SLC24A3: variants seen among roughly 807,000 people sequenced by gnomAD.
SLC24A3 encodes solute carrier family 24 member 3.
A neutral mutation model predicts 75.8 loss-of-function variants in SLC24A3; 28 were observed. That is an observed-to-expected ratio of 0.37 (90% CI 0.27 to 0.51). The LOEUF (loss-of-function observed/expected upper bound fraction) is 0.51. Ranked by LOEUF, SLC24A3 falls within the 20% of genes least tolerant of loss-of-function variation. SLC24A3 has a pLI of 0.94. For missense variants in SLC24A3, 663 were observed against 847.8 expected (o/e 0.78, Z 2.71); for synonymous variants, 372 against 334.1 (o/e 1.11, Z -1.24).
At chr20:19,692,676 T>G (rs942747856) in intron 12 of SLC24A3, among the ~76,000 whole-genome samples, 10 of 152,302 alleles carry the variant, frequency 6.6e-5, no homozygotes, top group African/African-American at 2.2e-4. Flanking sequence ...GAAATATGTA[T>G]GCATATTTAT....
chr20:19,521,188 C>T (rs911055208), intron 3 of SLC24A3, among the ~76,000 whole-genome samples: 17 of 152,192 alleles, frequency 1.1e-4, no homozygotes, highest in African/African-American at 4.1e-4. Flanking sequence ...AAGTGTGTCT[C>T]TGCCTCCACT....
At chr20:19,237,657 G>T (rs1453692178) in intron 1 of SLC24A3, among the ~76,000 whole-genome samples, 1 of 152,124 alleles carries the variant, frequency 6.6e-6, no homozygotes, top group Non-Finnish European at 1.5e-5. Context: ...CTCCTGCGTC[G>T]TCATTGAATG....
chr20:19,582,787 A>C (rs2031237199), intron 4 of SLC24A3, among the ~76,000 whole-genome samples: 1 of 152,194 alleles, frequency 6.6e-6, no homozygotes. Flanking sequence ...GAGGCATTTC[A>C]GGAAGAAGAG....
chr20:19,329,071 A>G (rs932089304), intron 2 of SLC24A3, among the ~76,000 whole-genome samples: 1 of 152,182 alleles, frequency 6.6e-6, no homozygotes. Context: ...ATGGACAGGA[A>G]GAGTTGTGGT....
At chr20:19,604,600 C>G (rs1020577425) in intron 6 of SLC24A3, among the ~76,000 whole-genome samples, 4 of 152,172 alleles carry the variant, frequency 2.6e-5, no homozygotes, top group African/African-American at 7.2e-5. Context: ...AGAAAGGAGT[C>G]AGAACCCCCA....
At chr20:19,353,671 CTTTATCACA>C (rs993450754) in intron 2 of SLC24A3, among the ~76,000 whole-genome samples, 4 of 152,190 alleles carry the variant, frequency 2.6e-5, no homozygotes, top group African/African-American at 9.7e-5. Context: ...GAGCAGAGTT[CTTTATCACA>C]TTAGCCAGAC....
At chr20:19,392,693 C>G (rs1006077418) in intron 2 of SLC24A3, among the ~76,000 whole-genome samples, 1 of 152,184 alleles carries the variant, frequency 6.6e-6, no homozygotes, top group African/African-American at 2.4e-5. Context: ...TCCTGTTACC[C>G]TAGCTGGATG....
intron 3 of SLC24A3, among the ~76,000 whole-genome samples, chr20:19,559,706 A>C (rs1370924491): frequency 6.6e-6 from 1 of 152,118 alleles, no homozygotes; most frequent in Non-Finnish European, 1.5e-5. Flanking sequence ...TCCACCAGTT[A>C]AGTGCCCTGA....
intron 2 of SLC24A3, among the ~76,000 whole-genome samples, chr20:19,294,063 C>G (rs1358845353): frequency 6.7e-6 from 1 of 149,764 alleles, no homozygotes; most frequent in Non-Finnish European, 1.5e-5. Flanking sequence ...ATACCTAATA[C>G]AATGCCTATA....
At chr20:19,285,708 T>C (rs866419249) in intron 2 of SLC24A3, among the ~76,000 whole-genome samples, 6,100 of 150,940 alleles carry the variant, frequency 0.04, 410 homozygotes, top group African/African-American at 0.14. Context: ...TGGAAACATT[T>C]TTTTTTTTTT....
At chr20:19,537,888 G>A (rs971701509) in intron 3 of SLC24A3, among the ~76,000 whole-genome samples, 2 of 135,776 alleles carry the variant, frequency 1.5e-5, no homozygotes, top group African/African-American at 5.4e-5. Flanking sequence ...TGGGGTGGGG[G>A]GAGGGGGAGG....
chr20:19,485,234 C>A (rs1988111834), intron 2 of SLC24A3, among the ~76,000 whole-genome samples: 2 of 152,164 alleles, frequency 1.3e-5, no homozygotes, highest in South Asian at 4.1e-4. Context: ...GATGCTGTAG[C>A]CCAGTTTGCC....
chr20:19,385,681 A>C, intron 2 of SLC24A3, among the ~76,000 whole-genome samples: 1 of 148,714 alleles, frequency 6.7e-6, no homozygotes. Flanking sequence ...TCACTATGTC[A>C]CCCAGGTTGG....
intron 1 of SLC24A3, among the ~76,000 whole-genome samples, chr20:19,217,660 G>A (rs1981599292): frequency 6.6e-6 from 1 of 152,176 alleles, no homozygotes; most frequent in Non-Finnish European, 1.5e-5. Flanking sequence ...CACAGCTGTT[G>A]AATCCTTCTT....
At chr20:19,529,497 C>G (rs2030256697) in intron 3 of SLC24A3, among the ~76,000 whole-genome samples, 1 of 152,208 alleles carries the variant, frequency 6.6e-6, no homozygotes, top group South Asian at 2.1e-4. Context: ...TCCTCTCCAT[C>G]TCCACAAGCA....
At chr20:19,461,520 CTTTTTTTTCTTTT>C (rs1568624560) in intron 2 of SLC24A3, among the ~76,000 whole-genome samples, 5 of 129,370 alleles carry the variant, frequency 3.9e-5, no homozygotes. Flanking sequence ...CTTTTCTTTT[CTTTTTTTTCTTTT>C]TTTTTTTTTT....
chr20:19,507,887 T>C (rs1234366882), intron 2 of SLC24A3, among the ~76,000 whole-genome samples: 1 of 152,220 alleles, frequency 6.6e-6, no homozygotes, highest in Non-Finnish European at 1.5e-5. Context: ...TCAGTCACAC[T>C]TGATATTTGT....
chr20:19,607,593 T>C (rs1169311475), intron 6 of SLC24A3, among the ~76,000 whole-genome samples: 1 of 152,210 alleles, frequency 6.6e-6, no homozygotes, highest in Non-Finnish European at 1.5e-5. Flanking sequence ...ACTCAGCCTT[T>C]AAGCCTCAGC....
intron 2 of SLC24A3, among the ~76,000 whole-genome samples, chr20:19,292,784 G>A (rs558978187): frequency 4.6e-5 from 7 of 152,296 alleles, no homozygotes; most frequent in African/African-American, 9.6e-5. Flanking sequence ...TCGTCTAAAC[G>A]ACAGAAATTT....
Sources: allele counts gnomAD v4.1 joint callset (sites outside exome capture counted in the v4.1 genomes callset), GRCh38; gene constraint gnomAD v4.1.1; transcripts MANE v1.5; gene names NCBI Gene and HGNC (gene_info 2026-07-23, HGNC 2026-07-21).